IL1RAPL2: variants seen among roughly 807,000 people sequenced by gnomAD.
IL1RAPL2 encodes the protein X-linked interleukin-1 receptor accessory protein-like 2.
IL1RAPL2 carries 3 observed loss-of-function variants against 44.1 expected under a neutral mutation model. The ratio of observed to expected loss-of-function variants is 0.07; its 90% CI spans 0.03 to 0.18. The LOEUF (loss-of-function observed/expected upper bound fraction) is 0.18, where lower values mean the gene tolerates loss of function less well. Among genes scored for constraint, IL1RAPL2 ranks in the 10% least tolerant of loss-of-function variants. The pLI, the probability that IL1RAPL2 is intolerant of heterozygous loss-of-function variation, is 1.00. For synonymous variants in IL1RAPL2, 181 were observed against 178.8 expected, an observed-to-expected ratio of 1.01 and a Z score of -0.10; for missense variants, 391 against 496.4, an observed-to-expected ratio of 0.79 and a Z score of 2.02.
At chrX:104,917,521 G>A (rs1924492905) in intron 2 of IL1RAPL2, among the ~76,000 whole-genome samples, 1 of 111,499 alleles carries the variant, frequency 9.0e-6, no homozygotes. Flanking sequence ...ATTGATTGTG[G>A]GTTCTAAAGG....
intron 5 of IL1RAPL2, among the ~76,000 whole-genome samples, chrX:105,390,393 A>G (rs778819136): frequency 1.1e-4 from 12 of 111,896 alleles, no homozygotes; most frequent in Non-Finnish European, 1.7e-4. Context: ...GTACCTACAC[A>G]TGAAAATTGC....
chrX:105,610,143 T>C (rs2037325112), intron 6 of IL1RAPL2, among the ~76,000 whole-genome samples: 1 of 111,702 alleles, frequency 9.0e-6, no homozygotes, highest in South Asian at 3.7e-4. Context: ...TCCATCTTTA[T>C]GCATTAAGTA....
chrX:105,267,614 G>A, intron 5 of IL1RAPL2, 73 bp downstream of exon 5: 1 of 791,267 alleles, frequency 1.3e-6, no homozygotes. Flanking sequence ...CAAGAGTTTT[G>A]TTCAAAGAGT....
intron 5 of IL1RAPL2, chrX:105,407,025 C>T: frequency 4.1e-6 from 4 of 974,573 alleles, no homozygotes; most frequent in Middle Eastern, 3.8e-4. Context: ...CACCACTACA[C>T]ATGTCACAAA....
chrX:105,766,230 C>T (rs1485627621), intron 10 of IL1RAPL2, among the ~76,000 whole-genome samples: 1 of 111,941 alleles, frequency 8.9e-6, no homozygotes, highest in Non-Finnish European at 1.9e-5. Flanking sequence ...TTCACACCAT[C>T]CCCCACCTCC....
chrX:105,036,473 A>G (rs1251277624), intron 2 of IL1RAPL2, among the ~76,000 whole-genome samples: 4 of 112,189 alleles, frequency 3.6e-5, no homozygotes, highest in Non-Finnish European at 7.5e-5. Context: ...ACACTTACAT[A>G]TATACAGAAG....
At chrX:105,142,873 C>T (rs1270052591) in intron 2 of IL1RAPL2, among the ~76,000 whole-genome samples, 2 of 109,579 alleles carry the variant, frequency 1.8e-5, no homozygotes, top group South Asian at 4.0e-4. Flanking sequence ...TGACAACATG[C>T]GGGGTTTGGC....
intron 2 of IL1RAPL2, among the ~76,000 whole-genome samples, chrX:104,869,418 C>A (rs1335605955): frequency 9.0e-6 from 1 of 111,426 alleles, no homozygotes; most frequent in Non-Finnish European, 1.9e-5. Context: ...CTATAGTCAT[C>A]TTCCTGTCTT....
chrX:105,218,248 C>T (rs2033886104), intron 3 of IL1RAPL2, among the ~76,000 whole-genome samples: 1 of 111,359 alleles, frequency 9.0e-6, no homozygotes, highest in African/African-American at 3.3e-5. Flanking sequence ...GATGATTCCT[C>T]TGTGCCTGTC....
intron 6 of IL1RAPL2, among the ~76,000 whole-genome samples, chrX:105,617,008 T>C (rs1490110010): frequency 9.1e-6 from 1 of 110,213 alleles, no homozygotes; most frequent in Admixed American, 9.8e-5. Context: ...TCCCCATACA[T>C]AAAATGGGGA....
At chrX:104,778,388 T>G (rs1219610891) in intron 2 of IL1RAPL2, among the ~76,000 whole-genome samples, 1 of 110,352 alleles carries the variant, frequency 9.1e-6, no homozygotes, top group Non-Finnish European at 1.9e-5. Flanking sequence ...ATATACTTCC[T>G]AAATATTTAA....
chrX:104,650,215 T>G (rs1401057312), intron 1 of IL1RAPL2, among the ~76,000 whole-genome samples: 3 of 111,626 alleles, frequency 2.7e-5, no homozygotes, highest in African/African-American at 9.7e-5. Flanking sequence ...GGGAAGACTC[T>G]TTTTAGGAAA....
intron 1 of IL1RAPL2, among the ~76,000 whole-genome samples, chrX:104,652,377 G>GA (rs1281203356): frequency 1.8e-5 from 2 of 111,854 alleles, no homozygotes; most frequent in South Asian, 3.8e-4. Context: ...TGAGTAACTT[G>GA]AAAAAACACT....
At chrX:105,372,503 C>T (rs1283916463) in intron 5 of IL1RAPL2, among the ~76,000 whole-genome samples, 1 of 109,682 alleles carries the variant, frequency 9.1e-6, no homozygotes, top group Non-Finnish European at 1.9e-5. Flanking sequence ...TGTTTAAGTT[C>T]AGGGGTACAT....
chrX:104,899,391 A>G (rs1923748217), intron 2 of IL1RAPL2, among the ~76,000 whole-genome samples: 1 of 111,318 alleles, frequency 9.0e-6, no homozygotes. Flanking sequence ...TTGTTTTCAA[A>G]CTCAAAAAGT....
intron 2 of IL1RAPL2, among the ~76,000 whole-genome samples, chrX:104,778,564 AATAT>A (rs35804353): frequency 1.6e-4 from 16 of 99,468 alleles, no homozygotes; most frequent in South Asian, 4.6e-4. Flanking sequence ...CGTCTCAAAT[AATAT>A]ATATATATAT....
At chrX:105,317,881 A>G (rs1400862127) in intron 5 of IL1RAPL2, among the ~76,000 whole-genome samples, 1 of 111,577 alleles carries the variant, frequency 9.0e-6, no homozygotes, top group Non-Finnish European at 1.9e-5. Flanking sequence ...ACAGTTAAAT[A>G]ATTTGCCTAT....
At chrX:105,708,370 T>C (rs2038181904) in intron 6 of IL1RAPL2, among the ~76,000 whole-genome samples, 1 of 111,933 alleles carries the variant, frequency 8.9e-6, no homozygotes, top group African/African-American at 3.2e-5. Context: ...CATCAGTATT[T>C]TCTTCAGTCA....
rs1257120064 is a variant in IL1RAPL2 at position 104,566,839 on chromosome X, T to A, written c.-232T>A. The A allele has an allele frequency of 8.9e-6, 1 of 112,891 alleles. No homozygotes were observed. Among genetic ancestry groups the A allele is most frequent in the Non-Finnish European group, 1.9e-5 (1 of 53,384 alleles). The allele number at this position is 112,891 out of a possible 1,213,427, so 9.3% of individuals were successfully genotyped here. On this transcript the variant is annotated 5_prime_UTR_variant, in exon 1 of 11. Transcript: ENST00000372582. ...TGGGGGGAAGTTTACTAGTATCCTC[T>A]TTGGCTAAGACAGGGAGTGGAAAAA...
Sources: allele counts gnomAD v4.1 joint callset (sites outside exome capture counted in the v4.1 genomes callset), GRCh38; gene constraint gnomAD v4.1.1; transcripts MANE v1.5; gene names NCBI Gene and HGNC (gene_info 2026-07-23, HGNC 2026-07-21).